The following HFM1 variants were observed in gnomAD, a reference collection of about 807,000 sequenced individuals.
The protein encoded by HFM1 is probable ATP-dependent DNA helicase HFM1.
Under a neutral mutation model 192.1 loss-of-function variants are expected in HFM1, and 169 were observed. The observed-to-expected ratio is 0.88, with a 90% confidence interval of 0.78 to 1.00. The LOEUF (loss-of-function observed/expected upper bound fraction) is 1.00, where lower values mean the gene tolerates loss of function less well. HFM1 is among the 50% of genes least tolerant of loss of function. HFM1 has a pLI of 0.00. For synonymous variants in HFM1, 525 were observed against 537.8 expected (o/e 0.98, Z 0.33); for missense variants, 1,661 against 1,668.0 (o/e 1.00, Z 0.07).
intron 20 of HFM1, among the ~76,000 whole-genome samples, chr1:91,327,345 A>G (rs1028219153): frequency 1.2e-4 from 18 of 152,182 alleles, no homozygotes; most frequent in African/African-American, 4.3e-4. Context: ...GCAAAACCCC[A>G]TCTCTACCAA....
intron 18 of HFM1, among the ~76,000 whole-genome samples, chr1:91,349,995 G>A (rs1656715832): frequency 6.6e-6 from 1 of 152,174 alleles, no homozygotes; most frequent in African/African-American, 2.4e-5. Flanking sequence ...TTGAACAACT[G>A]TGTGGGTGGG....
chr1:91,403,524 G>C (rs1311336829), intron 1 of HFM1, among the ~76,000 whole-genome samples: 1 of 152,110 alleles, frequency 6.6e-6, no homozygotes, highest in African/African-American at 2.4e-5. Context: ...AGTTCAGTAT[G>C]AGTTTGTGAT....
At position 91,274,828 on chromosome 1, in the gene HFM1, TA is replaced by T; in HGVS notation, c.3589-20del. On this transcript the variant is annotated intron_variant, in intron 32 of 38. Coordinates refer to ENST00000370425, the MANE Select transcript of HFM1 (RefSeq NM_001017975.6). ...TCTGTATCTATTAATGAAACAAAAATAAGTTCAACTATCAGTTTCACATCAA... is the reference window on the plus strand; with the variant it reads ...TCTGTATCTATTAATGAAACAAAAATAGTTCAACTATCAGTTTCACATCAA... 3 of 1,261,886 alleles carry T rather than the reference TA, an allele frequency of 2.4e-6. No homozygotes were observed. Among genetic ancestry groups the T allele is most frequent in the African/African-American group, 1.5e-5 (1 of 67,760 alleles). 78.2% of individuals were successfully genotyped at this position (1,261,886 alleles called of 1,614,324 possible).
intron 13 of HFM1, among the ~76,000 whole-genome samples, chr1:91,362,428 G>A (rs1019610571): frequency 1.3e-5 from 2 of 152,088 alleles, no homozygotes; most frequent in Non-Finnish European, 2.9e-5. Flanking sequence ...AACAGTGAAT[G>A]AACTCCCATT....
At chr1:91,396,150 A>G in intron 3 of HFM1, 143 bp downstream of exon 3, 1 of 457,356 alleles carries the variant, frequency 2.2e-6, no homozygotes, top group Non-Finnish European at 4.0e-6. Flanking sequence ...TCAATACCCA[A>G]TATGAGTATA....
intron 13 of HFM1, among the ~76,000 whole-genome samples, chr1:91,353,652 C>CAAAAAAAAAAAAAAA (rs1553213572): frequency 1.5e-5 from 1 of 65,428 alleles, no homozygotes; most frequent in African/African-American, 5.1e-5. Context: ...AGTAAATAAG[C>CAAAAAAAAAAAAAAA]AAAAAAAAAA....
chr1:91,286,038 G>A (rs1344893448), intron 30 of HFM1, among the ~76,000 whole-genome samples: 1 of 152,188 alleles, frequency 6.6e-6, no homozygotes, highest in Admixed American at 6.5e-5. Context: ...CAATTTGGAT[G>A]TGCCAAAGAG....
chr1:91,285,554 G>A (rs1394690337), intron 30 of HFM1, among the ~76,000 whole-genome samples: 1 of 152,142 alleles, frequency 6.6e-6, no homozygotes, highest in Admixed American at 6.6e-5. Flanking sequence ...AAGAAAGAGT[G>A]TATGTATGTT....
chr1:91,337,196 G>A (rs1472732348), intron 20 of HFM1, among the ~76,000 whole-genome samples: 1 of 152,090 alleles, frequency 6.6e-6, no homozygotes. Flanking sequence ...TACCTGTAAC[G>A]AACCTGCACA....
chr1:91,262,398 T>C lies in HFM1; in HGVS notation c.4087-6A>G. 1.3e-6 allele frequency: 2 copies of C among 1,583,528 alleles called. No homozygotes were observed. Among genetic ancestry groups the C allele is most frequent in the Non-Finnish European group, 1.7e-6 (2 of 1,164,448 alleles). On this transcript the variant is annotated splice_region_variant and splice_polypyrimidine_tract_variant and intron_variant, in intron 37 of 38. Coordinates refer to ENST00000370425, the MANE Select transcript of HFM1 (RefSeq NM_001017975.6). ...TTTCTTTCTTGAAAATGGACCTACA[T>C]TTGAGATAAAAAATAACAATCATTG...
At chr1:91,367,173 C>T (rs1659454986) in intron 13 of HFM1, among the ~76,000 whole-genome samples, 1 of 152,218 alleles carries the variant, frequency 6.6e-6, no homozygotes, top group Admixed American at 6.5e-5. Flanking sequence ...TAGACTCCAC[C>T]TCTGGGGGCA....
intron 8 of HFM1, 31 bp from the exon 9 acceptor site, chr1:91,379,245 ATCAGT>A (rs770858739): frequency 6.5e-7 from 1 of 1,545,482 alleles, no homozygotes; most frequent in East Asian, 2.3e-5. Context: ...TACTTTGAAC[ATCAGT>A]TCAATTTTAA....
chr1:91,303,584 C>T (rs1241849926), intron 30 of HFM1, among the ~76,000 whole-genome samples: 1 of 152,096 alleles, frequency 6.6e-6, no homozygotes, highest in African/African-American at 2.4e-5. Context: ...TGAGGAAATA[C>T]CAACTGTTTT....
chr1:91,287,729 C>T (rs1364623848), intron 30 of HFM1, among the ~76,000 whole-genome samples: 2 of 151,536 alleles, frequency 1.3e-5, no homozygotes, highest in Non-Finnish European at 2.9e-5. Context: ...TACGGGAGGA[C>T]ATTCAAACCA....
At chr1:91,402,042 A>G (rs1305793905) in intron 1 of HFM1, among the ~76,000 whole-genome samples, 1 of 152,198 alleles carries the variant, frequency 6.6e-6, no homozygotes, top group Admixed American at 6.5e-5. Context: ...CCATAAAATC[A>G]GACGAACAAA....
At chr1:91,322,599 T>C (rs1652291437) in intron 23 of HFM1, among the ~76,000 whole-genome samples, 1 of 152,186 alleles carries the variant, frequency 6.6e-6, no homozygotes, top group Non-Finnish European at 1.5e-5. Context: ...TCTCCCAGAA[T>C]GCCACTACCA....
At chr1:91,392,277 A>G (rs149744115) in intron 4 of HFM1, among the ~76,000 whole-genome samples, 2,678 of 152,006 alleles carry the variant, frequency 0.018, 37 homozygotes, top group Non-Finnish European at 0.028. Context: ...AAATCATGCT[A>G]CTATAAAGAC....
intron 34 of HFM1, among the ~76,000 whole-genome samples, chr1:91,272,566 G>C (rs1005185291): frequency 6.6e-6 from 1 of 152,004 alleles, no homozygotes; most frequent in Non-Finnish European, 1.5e-5. Flanking sequence ...TATGCAGAAG[G>C]ACAGGTAATA....
Position 91,266,118 on chromosome 1 carries a change from A to G in HFM1, c.3884-11T>C, listed in dbSNP as rs750190502. ...AAGTGTTTCCAAATCCTATGTGAAG[A>G]GATAACATTTTGAAACAAAATGCCA... is the stretch of plus-strand genomic sequence containing the variant. On this transcript the variant is annotated splice_polypyrimidine_tract_variant and intron_variant, in intron 35 of 38. Coordinates refer to ENST00000370425, the MANE Select transcript of HFM1 (RefSeq NM_001017975.6). 6 of 1,585,290 alleles carry G rather than the reference A, an allele frequency of 3.8e-6. No individual in the cohort carries two copies. The highest frequency in any genetic ancestry group is 4.3e-6 in the Non-Finnish European group (5 of 1,170,826).
Sources: gnomAD v4.1 joint callset for allele counts (sites outside exome capture counted in the v4.1 genomes callset) on GRCh38, gnomAD v4.1.1 for gene constraint, MANE v1.5 for transcripts, NCBI Gene and HGNC (gene_info 2026-07-23, HGNC 2026-07-21) for gene names.